Variants in STIM2 observed in about 807,000 individuals in gnomAD.
STIM2 encodes stromal interaction molecule 2.
A neutral mutation model predicts 85.8 loss-of-function variants in STIM2; 31 were observed. The observed-to-expected ratio is 0.36, with a 90% CI of 0.27 to 0.49. The LOEUF (loss-of-function observed/expected upper bound fraction) is 0.49, where lower values mean the gene tolerates loss of function less well. Ranked by LOEUF, STIM2 falls within the 20% of genes least tolerant of loss-of-function variation. STIM2 has a pLI of 0.98. For missense variants in STIM2, 841 were observed against 927.6 expected (o/e 0.91, Z 1.21); for synonymous variants, 356 against 331.1 (o/e 1.08, Z -0.82).
intron 1 of STIM2, among the ~76,000 whole-genome samples, chr4:26,911,231 AAAATAAAT>A (rs34059197): frequency 0.23 from 34,760 of 150,842 alleles, 5,268 homozygotes; most frequent in Middle Eastern, 0.36. Flanking sequence ...TGTGTCTCAA[AAAATAAAT>A]AAATAAATAA....
chr4:26,995,470 C>A lies in STIM2; in HGVS notation c.489C>A (p.Val163=). The A allele has an allele frequency of 6.3e-7, 1 of 1,599,362 alleles. No homozygotes were observed. The highest frequency in any genetic ancestry group is 1.1e-5 in the South Asian group (1 of 88,968). Residue 163 remains valine, a synonymous_variant, in exon 4 of 12, where the codon GTC becomes GTA. Transcript: ENST00000467087. ...AGAAGAATTTTAGAGACAACAATGT[C>A]AAAGGAACGACACTTCCCAGGTGAG...
chr4:26,952,836 A>G (rs983634685), intron 2 of STIM2, among the ~76,000 whole-genome samples: 2 of 152,116 alleles, frequency 1.3e-5, no homozygotes, highest in Non-Finnish European at 2.9e-5. Context: ...ATTCTTTAAA[A>G]CTTACTTCCA....
intron 1 of STIM2, among the ~76,000 whole-genome samples, chr4:26,869,570 C>T (rs1451325083): frequency 6.6e-6 from 1 of 151,816 alleles, no homozygotes; most frequent in African/African-American, 2.4e-5. Flanking sequence ...ACTCTGTTGC[C>T]CAGGCTGGAG....
At chr4:26,933,733 C>CAAAAAAAAAAAAAAAAAAAAAAAAAA (rs771503772) in intron 2 of STIM2, among the ~76,000 whole-genome samples, 1 of 47,762 alleles carries the variant, frequency 2.1e-5, no homozygotes. Context: ...GACCTGATCT[C>CAAAAAAAAAAAAAAAAAAAAAAAAAA]AAAAAAAAAA....
At position 26,901,531 on chromosome 4, in the gene STIM2, C is replaced by T. The variant is rs116620043; in HGVS notation, c.152-17973C>T. Among the ~76,000 whole-genome samples, 1,247 of 152,168 alleles carry T rather than the reference C, an allele frequency of 8.2e-3. 19 individuals carry two copies. Among genetic ancestry groups the T allele is most frequent in the African/African-American group, 0.028 (1,159 of 41,502 alleles). On this transcript the variant is annotated intron_variant, in intron 1 of 11. Transcript: ENST00000467087. ...ATCCTCATTGCAAAGGTATAACTTGCGTCTGCCACAGAGAAGAGTTTGTCC... is the reference window on the plus strand; with the variant it reads ...ATCCTCATTGCAAAGGTATAACTTGTGTCTGCCACAGAGAAGAGTTTGTCC...
chr4:26,887,643 A>G (rs969348992), intron 1 of STIM2, among the ~76,000 whole-genome samples: 2 of 152,196 alleles, frequency 1.3e-5, no homozygotes, highest in African/African-American at 4.8e-5. Context: ...TTAATGTTTT[A>G]AAAGACCCTG....
At chr4:26,980,336 G>A (rs1727338564) in intron 3 of STIM2, among the ~76,000 whole-genome samples, 2 of 152,014 alleles carry the variant, frequency 1.3e-5, no homozygotes, top group Admixed American at 1.3e-4. Flanking sequence ...GTATAAGAAA[G>A]GGCAATTTAT....
chr4:26,950,829 T>G (rs1156369467), intron 2 of STIM2, among the ~76,000 whole-genome samples: 1 of 152,136 alleles, frequency 6.6e-6, no homozygotes, highest in Admixed American at 6.6e-5. Context: ...AAGCAGTGCC[T>G]TGGTGGACCC....
chr4:26,870,971 A>G (rs1444466008), intron 1 of STIM2, among the ~76,000 whole-genome samples: 1 of 151,944 alleles, frequency 6.6e-6, no homozygotes, highest in Non-Finnish European at 1.5e-5. Flanking sequence ...TCAGACAGAG[A>G]AAGGCATGGT....
At chr4:26,880,205 A>G (rs532853854) in intron 1 of STIM2, among the ~76,000 whole-genome samples, 1 of 148,812 alleles carries the variant, frequency 6.7e-6, no homozygotes, top group Non-Finnish European at 1.5e-5. Flanking sequence ...AGTATGTGAA[A>G]CTCTTTCTCT....
intron 2 of STIM2, among the ~76,000 whole-genome samples, chr4:26,957,219 T>G (rs1018563322): frequency 3.3e-5 from 5 of 152,320 alleles, no homozygotes; most frequent in Non-Finnish European, 5.9e-5. Context: ...GGAATAATGA[T>G]TTTTAAAACT....
At chr4:27,002,723 C>T (rs1377452231) in intron 6 of STIM2, among the ~76,000 whole-genome samples, 5 of 152,006 alleles carry the variant, frequency 3.3e-5, no homozygotes, top group Admixed American at 6.6e-5. Context: ...CCTGCTTTCC[C>T]TGTCATTTGA....
At chr4:26,914,177 C>T (rs972927828) in intron 1 of STIM2, among the ~76,000 whole-genome samples, 1 of 152,084 alleles carries the variant, frequency 6.6e-6, no homozygotes, top group Middle Eastern at 3.2e-3. Context: ...CATGATCTGG[C>T]CTTCGCTTAT....
At chr4:26,920,880 A>G (rs1724769672) in intron 2 of STIM2, among the ~76,000 whole-genome samples, 1 of 152,128 alleles carries the variant, frequency 6.6e-6, no homozygotes, top group African/African-American at 2.4e-5. Context: ...CTCTGGACCT[A>G]TTTCTCGATT....
In STIM2 at chr4:27,022,714, T is replaced by C; in HGVS notation, c.1959T>C (p.Cys653=). The change falls in exon 12 of 12, where the codon TGT becomes TGC. Residue 653 remains cysteine (C), a synonymous_variant. Transcript: ENST00000467087. ...ATGTGTCTTGGGGTTCTCCCGACTGTGTAGGTCTGACAGAAACTAAGAGTA... is the reference window on the plus strand; with the variant it reads ...ATGTGTCTTGGGGTTCTCCCGACTGCGTAGGTCTGACAGAAACTAAGAGTA... The C allele has an allele frequency of 2.5e-6, 4 of 1,614,248 alleles. No individual in the cohort carries two copies. The highest frequency in any genetic ancestry group is 2.5e-6 in the Non-Finnish European group (3 of 1,180,046).
At chr4:26,948,186 C>T (rs968215722) in intron 2 of STIM2, among the ~76,000 whole-genome samples, 8 of 152,174 alleles carry the variant, frequency 5.3e-5, no homozygotes, top group Non-Finnish European at 1.0e-4. Context: ...CAGGTTCATT[C>T]TCCCTGTATA....
At chr4:27,007,947 A>G in intron 8 of STIM2, 1 of 724,058 alleles carries the variant, frequency 1.4e-6, no homozygotes, top group Non-Finnish European at 2.5e-6. Flanking sequence ...TTTTATCATT[A>G]TCATAAAAGT....
intron 1 of STIM2, among the ~76,000 whole-genome samples, chr4:26,864,172 G>T (rs1280775984): frequency 6.6e-6 from 1 of 151,972 alleles, no homozygotes; most frequent in Non-Finnish European, 1.5e-5. Context: ...TACCTTTTCA[G>T]AATTCAGTGT....
chr4:26,959,565 A>G (rs973536459), intron 3 of STIM2, among the ~76,000 whole-genome samples: 4 of 151,996 alleles, frequency 2.6e-5, no homozygotes, highest in Admixed American at 1.3e-4. Flanking sequence ...CAAGAATGTA[A>G]GTGTTATAGA....
Sources: allele counts gnomAD v4.1 joint callset (sites outside exome capture counted in the v4.1 genomes callset), GRCh38; gene constraint gnomAD v4.1.1; transcripts MANE v1.5; gene names NCBI Gene and HGNC (gene_info 2026-07-23, HGNC 2026-07-21).